Variants in NRXN1 observed in about 807,000 individuals in gnomAD.
The protein encoded by NRXN1 is neurexin 1, also known as neurexin-1.
Under a neutral mutation model 150.9 loss-of-function variants are expected in NRXN1, and 39 were observed. That is an observed-to-expected ratio of 0.26 (90% CI 0.20 to 0.34). NRXN1 has a LOEUF of 0.34. Among genes scored for constraint, NRXN1 ranks in the 10% least tolerant of loss-of-function variants. The pLI, the probability that NRXN1 is intolerant of heterozygous loss-of-function variation, is 1.00. For missense variants in NRXN1, 1,815 were observed against 1,949.9 expected, an observed-to-expected ratio of 0.93 and a Z score of 1.30; for synonymous variants, 924 against 757.0, an observed-to-expected ratio of 1.22 and a Z score of -3.62.
intron 3 of NRXN1, among the ~76,000 whole-genome samples, chr2:50,922,924 A>G (rs1686280610): frequency 6.6e-6 from 1 of 151,902 alleles, no homozygotes; most frequent in Non-Finnish European, 1.5e-5. Flanking sequence ...TCTTCCATGC[A>G]TCAGTTGGAA....
At chr2:50,968,527 G>C (rs1261804262) in intron 2 of NRXN1, among the ~76,000 whole-genome samples, 1 of 151,824 alleles carries the variant, frequency 6.6e-6, no homozygotes, top group Non-Finnish European at 1.5e-5. Context: ...GTGGTAATCT[G>C]GATCCTGGAT....
chr2:50,391,272 C>T (rs1326529246), intron 17 of NRXN1, among the ~76,000 whole-genome samples: 2 of 150,814 alleles, frequency 1.3e-5, no homozygotes, highest in Non-Finnish European at 3.0e-5. Context: ...AGATAAAATG[C>T]TGGAATAAAA....
At chr2:50,367,792 C>T (rs2079698310) in intron 17 of NRXN1, among the ~76,000 whole-genome samples, 1 of 151,952 alleles carries the variant, frequency 6.6e-6, no homozygotes, top group Admixed American at 6.6e-5. Context: ...TGCTTATTGG[C>T]CAGGTGCTTA....
In NRXN1 at chr2:50,900,755, CAGAG is replaced by C. The variant is rs539268022; in HGVS notation, c.832+21110_832+21113del. Among the ~76,000 whole-genome samples, 61 of 152,184 alleles carry C rather than the reference CAGAG, an allele frequency of 4.0e-4. 1 individual carries two copies. The highest frequency in any genetic ancestry group is 1.4e-3 in the African/African-American group (59 of 41,512). ...CGGCATTCCGTGATGTTGTACAAGC[CAGAG>C]AGAGTGAAACCTAACTAAGAGAAAC... On this transcript the variant is annotated intron_variant, in intron 5 of 22. Coordinates refer to ENST00000401669, the MANE Select transcript of NRXN1 (RefSeq NM_001330078.2).
intron 18 of NRXN1, among the ~76,000 whole-genome samples, chr2:50,190,747 G>A (rs1278990059): frequency 6.6e-6 from 1 of 151,448 alleles, no homozygotes; most frequent in Non-Finnish European, 1.5e-5. Context: ...TGAGTAGCTG[G>A]GATTACAGGC....
At chr2:50,928,703 G>A (rs1407934562) in intron 2 of NRXN1, among the ~76,000 whole-genome samples, 1 of 151,976 alleles carries the variant, frequency 6.6e-6, no homozygotes. Flanking sequence ...GCATGCCACG[G>A]TGTACAGGTA....
chr2:50,481,685 G>C (rs908469315), intron 15 of NRXN1, among the ~76,000 whole-genome samples: 20 of 147,554 alleles, frequency 1.4e-4, no homozygotes, highest in Non-Finnish European at 2.4e-4. Context: ...CCTGTAGTGA[G>C]TTTTGGGGAG....
intron 17 of NRXN1, among the ~76,000 whole-genome samples, chr2:50,406,245 A>G: frequency 6.6e-6 from 1 of 152,158 alleles, no homozygotes; most frequent in South Asian, 2.1e-4. Context: ...ACCACCATAA[A>G]ACAAGATGGA....
chr2:50,172,575 C>A (rs918098468), intron 18 of NRXN1, among the ~76,000 whole-genome samples: 16 of 152,200 alleles, frequency 1.1e-4, no homozygotes, highest in African/African-American at 3.9e-4. Context: ...CTAAAATTGG[C>A]AATTCTAGAG....
chr2:50,295,900 A>C (rs2073502258), intron 17 of NRXN1, among the ~76,000 whole-genome samples: 1 of 152,236 alleles, frequency 6.6e-6, no homozygotes, highest in Non-Finnish European at 1.5e-5. Context: ...TTACCTGTAA[A>C]AGCTTCACCA....
At chr2:50,880,877 C>G (rs943049562) in intron 5 of NRXN1, among the ~76,000 whole-genome samples, 1 of 151,868 alleles carries the variant, frequency 6.6e-6, no homozygotes, top group Non-Finnish European at 1.5e-5. Context: ...TTCCCTGCCT[C>G]AGGTAACAAG....
At chr2:50,947,741 A>G (rs1434089922) in intron 2 of NRXN1, among the ~76,000 whole-genome samples, 2 of 152,034 alleles carry the variant, frequency 1.3e-5, no homozygotes, top group African/African-American at 4.8e-5. Context: ...TACGTATCCA[A>G]ATAAAACCAA....
chr2:50,467,387 G>GA (rs146947625), intron 16 of NRXN1, among the ~76,000 whole-genome samples: 5 of 151,256 alleles, frequency 3.3e-5, no homozygotes, highest in Non-Finnish European at 7.4e-5. Flanking sequence ...TATAAAAATA[G>GA]AAAAAAAGAC....
intron 5 of NRXN1, among the ~76,000 whole-genome samples, chr2:50,810,533 A>G (rs1278280821): frequency 6.6e-6 from 1 of 152,222 alleles, no homozygotes; most frequent in African/African-American, 2.4e-5. Context: ...CTTATAACAT[A>G]AACAAGCCTA....
chr2:50,581,314 C>A (rs754683320), intron 8 of NRXN1, among the ~76,000 whole-genome samples: 1 of 152,174 alleles, frequency 6.6e-6, no homozygotes, highest in Non-Finnish European at 1.5e-5. Flanking sequence ...CACCTCGTAT[C>A]TATGCATGCC....
intron 5 of NRXN1, among the ~76,000 whole-genome samples, chr2:50,808,658 T>G (rs867528104): frequency 1.3e-5 from 2 of 152,226 alleles, no homozygotes; most frequent in African/African-American, 2.4e-5. Flanking sequence ...TGACTCTTGA[T>G]GCATCAATAA....
intron 18 of NRXN1, among the ~76,000 whole-genome samples, chr2:50,200,874 C>CT (rs1412619214): frequency 6.6e-6 from 1 of 152,022 alleles, no homozygotes; most frequent in African/African-American, 2.4e-5. Flanking sequence ...CTTCCTATTT[C>CT]TTTTTTTCAT....
At chr2:50,071,311 T>C (rs1156252190) in intron 19 of NRXN1, among the ~76,000 whole-genome samples, 2 of 152,228 alleles carry the variant, frequency 1.3e-5, no homozygotes, top group African/African-American at 2.4e-5. Flanking sequence ...AAGACTGTTA[T>C]GAGCTCAATT....
chr2:50,135,459 G>C (rs1204732267), intron 18 of NRXN1, among the ~76,000 whole-genome samples: 1 of 152,212 alleles, frequency 6.6e-6, no homozygotes, highest in Non-Finnish European at 1.5e-5. Flanking sequence ...TTGGGAGGCT[G>C]AGGTAGGTGG....
Sources: gnomAD v4.1 joint callset for allele counts (sites outside exome capture counted in the v4.1 genomes callset) on GRCh38, gnomAD v4.1.1 for gene constraint, MANE v1.5 for transcripts, NCBI Gene and HGNC (gene_info 2026-07-23, HGNC 2026-07-21) for gene names.